The following PITPNM2 variants were observed in gnomAD, a reference collection of about 807,000 sequenced individuals.
PITPNM2 encodes the protein membrane-associated phosphatidylinositol transfer protein 2.
Under a neutral mutation model 132.2 loss-of-function variants are expected in PITPNM2, and 35 were observed. The observed-to-expected ratio is 0.26, with a 90% CI of 0.20 to 0.35. The LOEUF (loss-of-function observed/expected upper bound fraction) is 0.35. PITPNM2 is among the 10% of genes least tolerant of loss of function. The pLI is 1.00. For missense variants in PITPNM2, 1,332 were observed against 1,912.0 expected (o/e 0.70, Z 5.66); for synonymous variants, 738 against 799.2 (o/e 0.92, Z 1.29).
At position 123,000,926 on chromosome 12, in the gene PITPNM2, C is replaced by T. The variant is rs1408136835; in HGVS notation, c.1154-78G>A. On this transcript the variant is annotated intron_variant, in intron 9 of 25. Transcript: ENST00000320201. The surrounding 1 kb of genome is among the most constrained non-coding windows in gnomAD (Gnocchi z 5.4). Reference sequence around the variant, plus strand: ...GACCGGACAGAGGCTGCAACTGTGACGAGGGGAGCTTGGGGGTCCCCAACT... The same window carrying T: ...GACCGGACAGAGGCTGCAACTGTGATGAGGGGAGCTTGGGGGTCCCCAACT... 32 of 1,576,484 alleles carry T rather than the reference C, an allele frequency of 2.0e-5. No homozygotes were observed. The highest frequency in any genetic ancestry group is 1.7e-4 in the South Asian group (15 of 90,048).
intron 3 of PITPNM2, among the ~76,000 whole-genome samples, chr12:123,033,504 G>A (rs558483573): frequency 9.2e-5 from 14 of 152,330 alleles, no homozygotes; most frequent in Middle Eastern, 3.4e-3. Flanking sequence ...TCTCTGGCTC[G>A]TCAAAGGAGC....
Position 122,995,556 on chromosome 12 carries a change from A to ACTGCCACCACCACCACTG in PITPNM2, c.1869_1886dup (p.Gly627_Gly632dup). 1 of 1,609,338 alleles carries ACTGCCACCACCACCACTG rather than the reference A, an allele frequency of 6.2e-7. No individual in the cohort carries two copies. Among genetic ancestry groups the ACTGCCACCACCACCACTG allele is most frequent in the South Asian group, 1.1e-5 (1 of 91,068 alleles). ...TGCTCTCCAGGCTGGAGCCACCACT[A>ACTGCCACCACCACCACTG]CTGCCACCACCACCACTGCTGCCAC... On this transcript the variant is annotated inframe_insertion, in exon 14 of 26. Transcript: ENST00000320201.
rs2042769801 is a variant in PITPNM2 at position 123,108,569 on chromosome 12, C to T, written c.-96+1816G>A. Among the ~76,000 whole-genome samples the T allele has an allele frequency of 6.6e-6, 1 of 152,146 alleles. No homozygotes were observed. Among genetic ancestry groups the T allele is most frequent in the South Asian group, 2.1e-4 (1 of 4,832 alleles). ...CCCCTGGAGAAGCTGCAAGTCAGGG[C>T]TGAGTGTTACTATGTGCCCTCCCCT... On this transcript the variant is annotated intron_variant, in intron 2 of 25. Transcript: ENST00000320201. This position sits in a 1 kb window ranked among gnomAD's most constrained non-coding sequence, Gnocchi z 4.4.
intron 3 of PITPNM2, 193 bp downstream of exon 3, chr12:123,034,320 G>A (rs970519635): frequency 9.3e-6 from 5 of 538,726 alleles, no homozygotes; most frequent in African/African-American, 5.6e-5. Flanking sequence ...CTGATGCCGT[G>A]CGCCCATGGT....
At chr12:123,102,637 C>T (rs2042589724) in intron 2 of PITPNM2, among the ~76,000 whole-genome samples, 1 of 152,192 alleles carries the variant, frequency 6.6e-6, no homozygotes, top group South Asian at 2.1e-4. Flanking sequence ...CCATGCTGAG[C>T]TGGGAACTTC....
In PITPNM2 at chr12:122,992,117, G is replaced by A. The variant is rs576857945; in HGVS notation, c.2404+382C>T. ...TCGGGGCCAGCCGCCTGCCATGATG[G>A]GACCCAGCCGACCCAGGCCCCCTAC... On this transcript the variant is annotated intron_variant, in intron 16 of 25. Coordinates refer to ENST00000320201, the MANE Select transcript of PITPNM2 (RefSeq NM_020845.3). This position sits in a 1 kb window ranked among gnomAD's most constrained non-coding sequence, Gnocchi z 6.5. Among the ~76,000 whole-genome samples the A allele has an allele frequency of 1.5e-3, 229 of 152,106 alleles. 1 individual carries two copies. Among genetic ancestry groups the A allele is most frequent in the African/African-American group, 5.2e-3 (214 of 41,480 alleles).
In PITPNM2 at chr12:123,009,869, C is replaced by T; in HGVS notation, c.624G>A (p.Glu208=). The part of the protein sequence containing the change: ...FRYWGMQSKI[E]RFIHDTGLRR... Reference sequence around the variant, plus strand: ...GCTCACCGGTGTCGTGGATGAACCTCTCGATCTTGGACTGCATGCCCCAGT... The same window carrying T: ...GCTCACCGGTGTCGTGGATGAACCTTTCGATCTTGGACTGCATGCCCCAGT... The change falls in exon 6 of 26, where the codon GAG becomes GAA. Residue 208 remains glutamate (E), a synonymous_variant. Coordinates refer to ENST00000320201, the MANE Select transcript of PITPNM2 (RefSeq NM_020845.3). This position sits in a 1 kb window ranked among gnomAD's most constrained non-coding sequence, Gnocchi z 4.8. 6.2e-7 allele frequency: 1 copy of T among 1,614,160 alleles called. No homozygotes were observed.
intron 2 of PITPNM2, among the ~76,000 whole-genome samples, chr12:123,079,273 A>C (rs1374901939): frequency 6.6e-6 from 1 of 151,138 alleles, no homozygotes; most frequent in Non-Finnish European, 1.5e-5. Flanking sequence ...ACACAGAGAC[A>C]TCTAAGTTGG....
chr12:123,029,095 CTG>C (rs2039979068), intron 3 of PITPNM2, among the ~76,000 whole-genome samples: 1 of 152,194 alleles, frequency 6.6e-6, no homozygotes, highest in Non-Finnish European at 1.5e-5. Context: ...AATCTAGACA[CTG>C]GCACCTCCTG....
At chr12:123,141,542 T>C (rs1167888382) in intron 1 of PITPNM2, among the ~76,000 whole-genome samples, 1 of 152,054 alleles carries the variant, frequency 6.6e-6, no homozygotes, top group Non-Finnish European at 1.5e-5. Context: ...GAGGCTTCCC[T>C]GGAGAAAGAA....
chr12:123,123,952 T>A (rs1478215767), intron 1 of PITPNM2, among the ~76,000 whole-genome samples: 2 of 148,390 alleles, frequency 1.3e-5, no homozygotes, highest in African/African-American at 5.0e-5. Flanking sequence ...AAAAAAAAAT[T>A]AAAATTTAAA....
At chr12:123,124,645 T>C (rs1460165796) in intron 1 of PITPNM2, among the ~76,000 whole-genome samples, 2 of 152,156 alleles carry the variant, frequency 1.3e-5, no homozygotes, top group Admixed American at 6.6e-5. Flanking sequence ...TATGTATACA[T>C]GTGCCATGTT....
intron 6 of PITPNM2, among the ~76,000 whole-genome samples, chr12:123,007,206 C>T (rs2038971588): frequency 6.6e-6 from 1 of 152,162 alleles, no homozygotes; most frequent in Non-Finnish European, 1.5e-5. Context: ...CCACTTGCTT[C>T]TCTGGGTGAG....
intron 14 of PITPNM2, 109 bp downstream of exon 14, chr12:122,995,280 C>T (rs979067602): frequency 1.4e-6 from 2 of 1,451,920 alleles, no homozygotes; most frequent in Non-Finnish European, 1.8e-6. Flanking sequence ...CTGGGGGAAC[C>T]TCAGGCAGAC....
rs778576376 is a variant in PITPNM2, at chr12:123,108,617, A to G, written c.-96+1768T>C. On this transcript the variant is annotated intron_variant, in intron 2 of 25. Coordinates refer to ENST00000320201, the MANE Select transcript of PITPNM2 (RefSeq NM_020845.3). The surrounding 1 kb of genome is among the most constrained non-coding windows in gnomAD (Gnocchi z 4.4). ...CCTACATCCACTCCCAGTAGCTGGG[A>G]CACCTTGGAAAGTGAATTAAAACAA... is the stretch of plus-strand genomic sequence containing the variant. 6.6e-6 allele frequency among the ~76,000 whole-genome samples: 1 copy of G among 152,178 alleles called. No individual in the cohort carries two copies. The highest frequency in any genetic ancestry group is 1.5e-5 in the Non-Finnish European group (1 of 67,998).
intron 2 of PITPNM2, among the ~76,000 whole-genome samples, chr12:123,037,259 A>G (rs2040302830): frequency 6.6e-6 from 1 of 152,246 alleles, no homozygotes; most frequent in Non-Finnish European, 1.5e-5. Flanking sequence ...GATCTGAGAA[A>G]CTTACATACA....
At chr12:123,101,628 G>A (rs901941661) in intron 2 of PITPNM2, among the ~76,000 whole-genome samples, 36 of 152,180 alleles carry the variant, frequency 2.4e-4, no homozygotes, top group African/African-American at 7.2e-4. Flanking sequence ...CTTAGTAAAT[G>A]TTCGTCATGT....
intron 6 of PITPNM2, chr12:123,007,510 A>C (rs1281913547): frequency 2.4e-6 from 1 of 415,986 alleles, no homozygotes; most frequent in Non-Finnish European, 4.8e-6. Context: ...GGGCCACGCC[A>C]GGCTCCCAGG....
intron 6 of PITPNM2, chr12:123,007,457 C>T (rs1348160704): frequency 2.2e-6 from 1 of 455,244 alleles, no homozygotes; most frequent in African/African-American, 2.0e-5. Context: ...GGGCATGTAC[C>T]CCCGCCTCCC....
Sources: gnomAD v4.1 joint callset for allele counts (sites outside exome capture counted in the v4.1 genomes callset) on GRCh38, gnomAD v4.1.1 for gene constraint, Gnocchi (gnomAD v3.1) non-coding constraint, MANE v1.5 for transcripts, NCBI Gene and HGNC (gene_info 2026-07-23, HGNC 2026-07-21) for gene names.